Variants in AKAP13 observed in about 807,000 individuals in gnomAD.
AKAP13 encodes the protein A-kinase anchoring protein 13, also known as A-kinase anchor protein 13.
Under a neutral mutation model 264.5 loss-of-function variants are expected in AKAP13, and 80 were observed. That is an observed-to-expected ratio of 0.30 (90% CI 0.25 to 0.36). AKAP13 has a LOEUF of 0.36. Among genes scored for constraint, AKAP13 ranks in the 10% least tolerant of loss-of-function variants. The pLI is 1.00. For synonymous variants in AKAP13, 1,380 were observed against 1,250.2 expected (o/e 1.10, Z -2.19); for missense variants, 3,712 against 3,435.2 (o/e 1.08, Z -2.01).
At chr15:85,600,026 A>G (rs2079985836) in intron 8 of AKAP13, among the ~76,000 whole-genome samples, 1 of 152,176 alleles carries the variant, frequency 6.6e-6, no homozygotes, top group South Asian at 2.1e-4. Context: ...TGTTGCCTTG[A>G]TCCTTCCTCT....
intron 16 of AKAP13, chr15:85,689,828 T>G (rs2085174443): frequency 6.6e-6 from 1 of 152,272 alleles, no homozygotes; most frequent in Non-Finnish European, 1.5e-5. Flanking sequence ...ACAAGGGTTG[T>G]TGGCTTTAGC....
In AKAP13 at chr15:85,640,360, A is replaced by G. The variant is rs145328734; in HGVS notation, c.4237+911A>G. Among the ~76,000 whole-genome samples, 798 of 152,262 alleles carry G rather than the reference A, an allele frequency of 5.2e-3. 4 individuals are homozygous for G. Among genetic ancestry groups the G allele is most frequent in the Non-Finnish European group, 6.8e-3 (462 of 68,008 alleles). ...TACTGCCCAGCTTTAAAAATTACCT[A>G]GTCTTCATTTGCAGGTCTTTTTAGA... On this transcript the variant is annotated intron_variant, in intron 9 of 36. Coordinates refer to ENST00000394518, the MANE Select transcript of AKAP13 (RefSeq NM_007200.5).
At chr15:85,624,401 G>A (rs930424338) in intron 8 of AKAP13, 1 of 152,158 alleles carries the variant, frequency 6.6e-6, no homozygotes, top group South Asian at 2.1e-4. Flanking sequence ...AGGCTGAGGA[G>A]GAATAGTCTG....
chr15:85,486,070 C>A (rs948641367), intron 2 of AKAP13, among the ~76,000 whole-genome samples: 8 of 152,326 alleles, frequency 5.3e-5, no homozygotes, highest in African/African-American at 1.9e-4. Context: ...CAGTGCATTC[C>A]TGTAAAAGTA....
chr15:85,682,276 C>G lies in AKAP13; in HGVS notation c.5156+64C>G, dbSNP rs531824252. The G allele has an allele frequency of 2.3e-5, 34 of 1,505,154 alleles. No homozygotes were observed. The East Asian group carries it at 7.5e-4, about 33-fold the overall frequency. The allele number at this position is 1,505,154 out of a possible 1,614,324, so 93.2% of individuals were successfully genotyped here. A position where few individuals can be genotyped will look rare whatever the true frequency, so the allele number is the denominator to read the frequency against. ...TGAAGAAAATTTAAAATCTCTTAGG[C>G]CATTTAATTACGTAAACTAAGTTAA... On this transcript the variant is annotated intron_variant, in intron 15 of 36. Transcript: ENST00000394518.
chr15:85,727,099 C>G lies in AKAP13; in HGVS notation c.6856C>G (p.Leu2286Val). The stretch of plus-strand genomic sequence containing the variant: ...GTCAACAGTGATCTCTTTAAAGAAG[C>G]TGATTGTGAGAGAAGTGGCACATGA... ...QKSTVISLKK[L>V]IVREVAHEEK... The change falls in exon 28 of 37, where the codon CTG (leucine) becomes GTG (valine). Residue 2286 changes from leucine to valine, a missense_variant. This residue lies in a region of AKAP13 where 342 missense variants were observed against 484.3 expected (regional missense o/e 0.71). Transcript: ENST00000394518. This position sits in a 1 kb window ranked among gnomAD's most constrained non-coding sequence, Gnocchi z 5.3. The G allele has an allele frequency of 6.2e-7, 1 of 1,614,148 alleles. No individual in the cohort carries two copies. The highest frequency in any genetic ancestry group is 2.2e-5 in the East Asian group (1 of 44,888).
chr15:85,579,549 G>A lies in AKAP13; in HGVS notation c.1481G>A (p.Trp494Ter), dbSNP rs1264297652. The A allele has an allele frequency of 4.3e-6, 7 of 1,614,058 alleles. No homozygotes were observed. The highest frequency in any genetic ancestry group is 1.6e-4 in the Middle Eastern group (1 of 6,084). ...CTCATGAACCCAGATGCCACTGTTT[G>A]GAAGAATGTGCTTCAGGGAGGGGAA... Reference protein sequence around the residue: ...HGLMNPDATVWKNVLQGGEST... With the variant: ...HGLMNPDATV Residue 494 changes from tryptophan (W) to a stop codon, truncating the protein, a stop_gained, in exon 7 of 37, where the codon TGG (tryptophan) becomes TAG (stop). Transcript: ENST00000394518. LOFTEE classifies it high-confidence loss of function.
At chr15:85,702,475 T>G (rs2085988170) in intron 17 of AKAP13, 1 of 152,108 alleles carries the variant, frequency 6.6e-6, no homozygotes, top group Non-Finnish European at 1.5e-5. Context: ...CCATCGCGTC[T>G]CATGTCCAGG....
At chr15:85,494,224 A>C (rs1034490066) in intron 2 of AKAP13, among the ~76,000 whole-genome samples, 1 of 152,266 alleles carries the variant, frequency 6.6e-6, no homozygotes, top group East Asian at 1.9e-4. Flanking sequence ...TCTAAGCCCT[A>C]CTGGATCTAG....
rs1031085501 is a variant in AKAP13, at chr15:85,744,955, T to A, written c.*278T>A. 1.1e-5 allele frequency: 4 copies of A among 355,308 alleles called. No homozygotes were observed. The highest frequency in any genetic ancestry group is 8.5e-5 in the African/African-American group (4 of 46,834). 22.0% of individuals were successfully genotyped at this position (355,308 alleles called of 1,614,324 possible). ...GATTACACTGAAAGTAATGGCCTCG[T>A]AAGTACAGGTGATGGTTTTGGACAC... On this transcript the variant is annotated 3_prime_UTR_variant, in exon 37 of 37. Coordinates refer to ENST00000394518, the MANE Select transcript of AKAP13 (RefSeq NM_007200.5).
chr15:85,400,073 A>G (rs2071348510), intron 1 of AKAP13, among the ~76,000 whole-genome samples: 1 of 152,182 alleles, frequency 6.6e-6, no homozygotes, highest in Admixed American at 6.5e-5. Flanking sequence ...TGCTGGGATT[A>G]CAGGCATGAG....
At chr15:85,641,885 C>T (rs1178633444) in intron 9 of AKAP13, among the ~76,000 whole-genome samples, 3 of 152,160 alleles carry the variant, frequency 2.0e-5, no homozygotes, top group Non-Finnish European at 4.4e-5. Flanking sequence ...CAGAGCCCAC[C>T]GGATTTCAGC....
At chr15:85,434,962 C>T (rs1174273809) in intron 1 of AKAP13, among the ~76,000 whole-genome samples, 7 of 151,546 alleles carry the variant, frequency 4.6e-5, no homozygotes, top group African/African-American at 1.5e-4. Context: ...CGGAACAAAG[C>T]TGGATGGAGA....
At chr15:85,442,736 T>C (rs1027041441) in intron 1 of AKAP13, among the ~76,000 whole-genome samples, 1 of 151,660 alleles carries the variant, frequency 6.6e-6, no homozygotes, top group Non-Finnish European at 1.5e-5. Context: ...AGCAACACTT[T>C]TAATTTTGTG....
chr15:85,462,948 C>T (rs1261831267), intron 1 of AKAP13, among the ~76,000 whole-genome samples: 1 of 135,560 alleles, frequency 7.4e-6, no homozygotes, highest in Non-Finnish European at 1.5e-5. Context: ...GGCGTGAACC[C>T]GGGAGGCGGA....
intron 16 of AKAP13, among the ~76,000 whole-genome samples, chr15:85,687,489 C>T (rs974067882): frequency 6.6e-6 from 1 of 152,262 alleles, no homozygotes; most frequent in Middle Eastern, 3.4e-3. Context: ...AATGACAACA[C>T]TTTTTTGCAA....
At chr15:85,382,968 A>G (rs912630819) in intron 1 of AKAP13, among the ~76,000 whole-genome samples, 16 of 152,164 alleles carry the variant, frequency 1.1e-4, no homozygotes, top group Non-Finnish European at 1.3e-4. Context: ...TAATCTGTCA[A>G]TTATTTTTTG....
intron 1 of AKAP13, among the ~76,000 whole-genome samples, chr15:85,410,208 G>T (rs1172580872): frequency 6.6e-6 from 1 of 151,422 alleles, no homozygotes; most frequent in African/African-American, 2.5e-5. Context: ...TCATGACCAT[G>T]ACTTCCCCGG....
At chr15:85,639,134 G>A (rs939953792) in intron 8 of AKAP13, among the ~76,000 whole-genome samples, 4 of 151,916 alleles carry the variant, frequency 2.6e-5, no homozygotes, top group African/African-American at 7.2e-5. Context: ...CTTCATCTTC[G>A]TGTATCTTTT....
Sources: allele counts gnomAD v4.1 joint callset (sites outside exome capture counted in the v4.1 genomes callset), GRCh38; gene constraint gnomAD v4.1.1; regional missense constraint gnomAD v4.1.1; non-coding constraint Gnocchi (gnomAD v3.1); transcripts MANE v1.5; gene names NCBI Gene and HGNC (gene_info 2026-07-23, HGNC 2026-07-21).